The following RIC3 variants were observed in gnomAD, a reference collection of about 807,000 sequenced individuals.
RIC3 encodes the protein RIC3 acetylcholine receptor chaperone.
In RIC3, 28 loss-of-function variants were observed where a neutral mutation model predicts 27.3. That is an observed-to-expected ratio of 1.02 (90% CI 0.76 to 1.41). The LOEUF is 1.41. RIC3 is among the 40% of genes most tolerant of loss of function. The pLI is 0.00. For missense variants in RIC3, 501 were observed against 444.7 expected (o/e 1.13, Z -1.14); for synonymous variants, 184 against 160.4 (o/e 1.15, Z -1.11).
chr11:8,140,829 TCTCTCGGCAGAAACC>T (rs1373301877), intron 1 of RIC3, among the ~76,000 whole-genome samples: 19 of 152,138 alleles, frequency 1.2e-4, no homozygotes, highest in African/African-American at 2.9e-4. Flanking sequence ...TAACAGCGGA[TCTCTCGGCAGAAACC>T]CTACAAGCCA....
At chr11:8,153,374 C>G (rs1244303544) in intron 1 of RIC3, 3 of 447,740 alleles carry the variant, frequency 6.7e-6, no homozygotes, top group South Asian at 4.8e-5. Flanking sequence ...GGTAACTCTA[C>G]CTTAACCGTC....
intron 1 of RIC3, among the ~76,000 whole-genome samples, chr11:8,146,389 G>T (rs1043392962): frequency 6.6e-6 from 1 of 152,192 alleles, no homozygotes; most frequent in Admixed American, 6.5e-5. Flanking sequence ...ATCAGAGTAG[G>T]TGCATATGAA....
At chr11:8,136,598 A>T (rs1948451905) in intron 4 of RIC3, among the ~76,000 whole-genome samples, 1 of 152,200 alleles carries the variant, frequency 6.6e-6, no homozygotes, top group Non-Finnish European at 1.5e-5. Flanking sequence ...CCTTTGGGAC[A>T]TTCTAAACGG....
chr11:8,110,619 G>T lies in RIC3; in HGVS notation c.*79C>A. 2 of 1,270,688 alleles carry T rather than the reference G, an allele frequency of 1.6e-6. No homozygotes were observed. The highest frequency in any genetic ancestry group is 2.3e-6 in the Non-Finnish European group (2 of 872,494). The allele number at this position is 1,270,688 out of a possible 1,614,324, so 78.7% of individuals were successfully genotyped here. Reference sequence around the variant, plus strand: ...TTGAACACAGTGAAGAAAGTGCAGGGCACAGGGCCAAGAAGGAAATCTGAG... The same window carrying T: ...TTGAACACAGTGAAGAAAGTGCAGGTCACAGGGCCAAGAAGGAAATCTGAG... On this transcript the variant is annotated 3_prime_UTR_variant, in exon 6 of 6. Transcript: ENST00000309737.
chr11:8,100,688 T>TGG, the RIC3 span: 1 of 1,480,514 alleles, frequency 6.8e-7, no homozygotes, highest in Non-Finnish European at 9.3e-7. Flanking sequence ...CTGATGTGTG[T>TGG]ATGTGGAGGG....
At chr11:8,163,052 TACAC>T (rs67863540) in intron 1 of RIC3, among the ~76,000 whole-genome samples, 8 of 70,324 alleles carry the variant, frequency 1.1e-4, no homozygotes, top group African/African-American at 4.8e-4. Context: ...CACACACACA[TACAC>T]ACACACACAC....
In RIC3 at chr11:8,113,705, C is replaced by T. The variant is rs987452573; in HGVS notation, c.671-2568G>A. Among the ~76,000 whole-genome samples the T allele has an allele frequency of 5.9e-5, 9 of 152,240 alleles. No homozygotes were observed. In the South Asian group the frequency reaches 8.3e-4, roughly 14 times the overall value. On this transcript the variant is annotated intron_variant, in intron 5 of 5. Coordinates refer to ENST00000309737, the MANE Select transcript of RIC3 (RefSeq NM_001206671.4). ...AACCCAGTAGACCCCAGCATTGGGC[C>T]GGCCCTCAGAACCCCAGGACTGCCC...
At chr11:8,130,291 T>G (rs183237036) in intron 4 of RIC3, among the ~76,000 whole-genome samples, 1 of 152,324 alleles carries the variant, frequency 6.6e-6, no homozygotes, top group Non-Finnish European at 1.5e-5. Context: ...AACTGTACTT[T>G]TGGACCTTGA....
chr11:8,136,237 C>T (rs1342331989), intron 4 of RIC3, among the ~76,000 whole-genome samples: 3 of 152,164 alleles, frequency 2.0e-5, no homozygotes, highest in Non-Finnish European at 1.5e-5. Flanking sequence ...AGGCCGAAGC[C>T]AGTGAACAAA....
At chr11:8,120,905 C>T (rs1041363750) in intron 5 of RIC3, among the ~76,000 whole-genome samples, 1 of 151,898 alleles carries the variant, frequency 6.6e-6, no homozygotes, top group South Asian at 2.1e-4. Flanking sequence ...CGATTTTATA[C>T]CCAGCCAAAC....
At chr11:8,157,031 C>T (rs59196234) in intron 1 of RIC3, among the ~76,000 whole-genome samples, 10,375 of 152,216 alleles carry the variant, frequency 0.068, 395 homozygotes, top group South Asian at 0.11. Flanking sequence ...GGCATTAATA[C>T]TGCTATGAGC....
At chr11:8,098,549 T>C in the RIC3 span, among the ~76,000 whole-genome samples, 6 of 152,312 alleles carry the variant, frequency 3.9e-5, no homozygotes, top group African/African-American at 1.4e-4. Context: ...TGAACTGAAA[T>C]GCACTTTGAG....
chr11:8,137,486 A>G lies in RIC3; in HGVS notation c.428-15T>C. ...CTCAAAACTGGCTAAAAAATAAGCA[A>G]CAATCTAAGAACCATCAGAGACAAC... is the stretch of plus-strand genomic sequence containing the variant. On this transcript the variant is annotated splice_polypyrimidine_tract_variant and intron_variant, in intron 3 of 5. Transcript: ENST00000309737. The G allele has an allele frequency of 6.2e-7, 1 of 1,608,930 alleles. No individual in the cohort carries two copies. The highest frequency in any genetic ancestry group is 8.5e-7 in the Non-Finnish European group (1 of 1,175,974).
At chr11:8,151,099 G>A (rs1950181268) in intron 1 of RIC3, among the ~76,000 whole-genome samples, 1 of 152,086 alleles carries the variant, frequency 6.6e-6, no homozygotes, top group African/African-American at 2.4e-5. Flanking sequence ...TTCTTAGACA[G>A]GACACCAAAA....
intron 4 of RIC3, among the ~76,000 whole-genome samples, chr11:8,128,006 C>T (rs3750954): frequency 0.15 from 22,240 of 152,204 alleles, 1,908 homozygotes; most frequent in African/African-American, 0.23. Flanking sequence ...CCACACCAAG[C>T]AGCTTCAAAG....
At chr11:8,096,738 A>C in the RIC3 span, 1 of 1,614,078 alleles carries the variant, frequency 6.2e-7, no homozygotes, top group Non-Finnish European at 8.5e-7. Flanking sequence ...GGAGGAGAAT[A>C]GCTCCAGCTC....
intron 1 of RIC3, among the ~76,000 whole-genome samples, chr11:8,145,202 T>TAAAAAAAAAAAA (rs36008792): frequency 7.1e-6 from 1 of 140,238 alleles, no homozygotes; most frequent in African/African-American, 2.6e-5. Flanking sequence ...AAAAAAAAAT[T>TAAAAAAAAAAAA]AAAAAAAAAA....
intron 4 of RIC3, among the ~76,000 whole-genome samples, chr11:8,129,471 CTA>C (rs1460695445): frequency 2.0e-5 from 3 of 152,132 alleles, no homozygotes; most frequent in South Asian, 2.1e-4. Context: ...GGCCTTGGAA[CTA>C]TGTTAAAGTT....
chr11:8,131,165 T>G (rs1947655286), intron 4 of RIC3, among the ~76,000 whole-genome samples: 2 of 152,156 alleles, frequency 1.3e-5, no homozygotes, highest in African/African-American at 4.8e-5. Flanking sequence ...ATCTAACACT[T>G]TTTTGGAGCC....
Sources: gnomAD v4.1 joint callset for allele counts (sites outside exome capture counted in the v4.1 genomes callset) on GRCh38, gnomAD v4.1.1 for gene constraint, MANE v1.5 for transcripts, NCBI Gene and HGNC (gene_info 2026-07-23, HGNC 2026-07-21) for gene names.